The following FBLN7 variants were observed in gnomAD, a reference collection of about 807,000 sequenced individuals.
FBLN7 encodes fibulin-7.
FBLN7 carries 31 observed loss-of-function variants against 44.0 expected under a neutral mutation model. The observed-to-expected ratio is 0.70, with a 90% CI of 0.53 to 0.95. The LOEUF (loss-of-function observed/expected upper bound fraction) is 0.95. Among genes scored for constraint, FBLN7 ranks in the 40% least tolerant of loss-of-function variants. The pLI is 0.00. For synonymous variants in FBLN7, 262 were observed against 253.4 expected (o/e 1.03, Z -0.32); for missense variants, 573 against 618.5 (o/e 0.93, Z 0.78).
chr2:112,159,145 A>G (rs1392540228), intron 1 of FBLN7, among the ~76,000 whole-genome samples: 1 of 151,802 alleles, frequency 6.6e-6, no homozygotes, highest in Non-Finnish European at 1.5e-5. Flanking sequence ...AAAAATCATC[A>G]GAACTGAACA....
the FBLN7 span, among the ~76,000 whole-genome samples, chr2:112,194,302 G>A: frequency 1.3e-5 from 2 of 152,244 alleles, no homozygotes; most frequent in Non-Finnish European, 2.9e-5. Flanking sequence ...CAAGCTAAGA[G>A]TCACAAAAAT....
the FBLN7 span, among the ~76,000 whole-genome samples, chr2:112,200,879 A>T: frequency 6.6e-6 from 1 of 152,110 alleles, no homozygotes; most frequent in African/African-American, 2.4e-5. Context: ...CTTTCACTTA[A>T]AGGTCACCAT....
chr2:112,159,760 G>C lies in FBLN7; in HGVS notation c.160G>C (p.Gly54Arg). Residue 54 changes from glycine (G) to arginine (R), a missense_variant, in exon 2 of 8, where the codon GGC becomes CGC. Physicochemically the swap from Gly to Arg is moderately radical, Grantham distance 125. Coordinates refer to ENST00000331203, the MANE Select transcript of FBLN7 (RefSeq NM_153214.3). ...LKGQETRFAE[G>R]IRHMKSRLAA... ...GGGCCAGGAGACACGCTTCGCCGAG[G>C]GCATCCGCCACATGAAGAGCCGGCT... The C allele has an allele frequency of 6.2e-7, 1 of 1,605,076 alleles. No homozygotes were observed. Among genetic ancestry groups the C allele is most frequent in the Non-Finnish European group, 8.5e-7 (1 of 1,176,086 alleles).
At chr2:112,204,307 G>C in the FBLN7 span, among the ~76,000 whole-genome samples, 1 of 150,966 alleles carries the variant, frequency 6.6e-6, no homozygotes, top group African/African-American at 2.4e-5. Context: ...CTGAGCCTTA[G>C]ATATTTGTGA....
At chr2:112,165,209 A>G (rs1682091001) in intron 3 of FBLN7, 38 bp downstream of exon 3, 3 of 1,593,304 alleles carry the variant, frequency 1.9e-6, no homozygotes, top group Non-Finnish European at 2.6e-6. Context: ...CGCTGGACCC[A>G]TCACAGTATA....
the FBLN7 span, among the ~76,000 whole-genome samples, chr2:112,208,710 T>C: frequency 6.6e-6 from 1 of 152,210 alleles, no homozygotes; most frequent in African/African-American, 2.4e-5. Context: ...TTCCAGATAA[T>C]CTTATACAGT....
intron 1 of FBLN7, chr2:112,151,831 T>C (rs528605321): frequency 2.6e-5 from 4 of 152,242 alleles, no homozygotes; most frequent in African/African-American, 4.8e-5. Flanking sequence ...GGCTTGGGCA[T>C]TGGGGACCTC....
chr2:112,184,183 C>T (rs1369003391), intron 6 of FBLN7, among the ~76,000 whole-genome samples: 1 of 152,180 alleles, frequency 6.6e-6, no homozygotes, highest in Non-Finnish European at 1.5e-5. Context: ...GACAGGCCCA[C>T]CTCCCCAGCT....
chr2:112,163,854 G>T (rs915593438), intron 2 of FBLN7, among the ~76,000 whole-genome samples: 1 of 152,002 alleles, frequency 6.6e-6, no homozygotes, highest in African/African-American at 2.4e-5. Context: ...TTTCCACCTC[G>T]TCCACTCTAT....
chr2:112,183,977 C>T (rs1268028760), intron 6 of FBLN7, among the ~76,000 whole-genome samples: 1 of 152,206 alleles, frequency 6.6e-6, no homozygotes, highest in African/African-American at 2.4e-5. Context: ...GTTTCCCCAC[C>T]TCCACTTAGG....
chr2:112,158,971 C>T (rs934387834), intron 1 of FBLN7, among the ~76,000 whole-genome samples: 4 of 152,166 alleles, frequency 2.6e-5, no homozygotes, highest in African/African-American at 4.8e-5. Flanking sequence ...CTAACACTGC[C>T]GATGCCTTGA....
chr2:112,148,004 G>A (rs184210685), intron 1 of FBLN7, among the ~76,000 whole-genome samples: 6 of 152,140 alleles, frequency 3.9e-5, no homozygotes, highest in Admixed American at 1.3e-4. Flanking sequence ...CTCACTGCCC[G>A]CCAGCTCTCC....
At chr2:112,236,547 C>G in the FBLN7 span, 1 of 1,610,418 alleles carries the variant, frequency 6.2e-7, no homozygotes, top group African/African-American at 1.3e-5. Flanking sequence ...TTCCTAGAAG[C>G]ATATATTCCA....
At chr2:112,144,984 G>A (rs907387512) in intron 1 of FBLN7, among the ~76,000 whole-genome samples, 2 of 152,182 alleles carry the variant, frequency 1.3e-5, no homozygotes, top group African/African-American at 2.4e-5. Flanking sequence ...GGATTGTTGG[G>A]TCATATGGTA....
chr2:112,225,653 C>T, the FBLN7 span, among the ~76,000 whole-genome samples: 1 of 152,090 alleles, frequency 6.6e-6, no homozygotes, highest in Non-Finnish European at 1.5e-5. Context: ...TTAGTCTCTA[C>T]TAAAAATACA....
chr2:112,181,888 C>A lies in FBLN7; in HGVS notation c.670+12C>A, dbSNP rs772876968. ...CAGCGTCTGCCAGGGTAGGCGCGGG[C>A]TCCGCCAGGACACTGGGGACAGCAC... On this transcript the variant is annotated intron_variant, in intron 5 of 7. Coordinates refer to ENST00000331203, the MANE Select transcript of FBLN7 (RefSeq NM_153214.3). 2.0e-6 allele frequency: 3 copies of A among 1,534,554 alleles called. No homozygotes were observed. The highest frequency in any genetic ancestry group is 2.4e-5 in the South Asian group (2 of 84,520).
At chr2:112,196,374 CTTTTTTT>C in the FBLN7 span, among the ~76,000 whole-genome samples, 452 of 63,284 alleles carry the variant, frequency 7.1e-3, 5 homozygotes, top group African/African-American at 0.027. Flanking sequence ...TCTTCTTCTT[CTTTTTTT>C]TTTTTTTTTT....
At chr2:112,143,599 C>G (rs114293441) in intron 1 of FBLN7, among the ~76,000 whole-genome samples, 7 of 152,338 alleles carry the variant, frequency 4.6e-5, no homozygotes, top group Non-Finnish European at 8.8e-5. Flanking sequence ...GCAACCACCA[C>G]CACAATCAGG....
chr2:112,160,954 G>A, intron 2 of FBLN7, among the ~76,000 whole-genome samples: 1 of 152,188 alleles, frequency 6.6e-6, no homozygotes, highest in East Asian at 1.9e-4. Flanking sequence ...ACCCTCCAGG[G>A]AGTCCCCGTT....
Sources: allele counts gnomAD v4.1 joint callset (sites outside exome capture counted in the v4.1 genomes callset), GRCh38; gene constraint gnomAD v4.1.1; transcripts MANE v1.5; gene names NCBI Gene and HGNC (gene_info 2026-07-23, HGNC 2026-07-21).